Variants in KCNJ6 observed in about 807,000 individuals in gnomAD.
KCNJ6 encodes the protein G protein-activated inward rectifier potassium channel 2.
KCNJ6 carries 9 observed loss-of-function variants against 34.2 expected under a neutral mutation model. The observed-to-expected ratio is 0.26, with a 90% confidence interval of 0.16 to 0.46. The LOEUF (loss-of-function observed/expected upper bound fraction) is 0.46, where lower values mean the gene tolerates loss of function less well. Among genes scored for constraint, KCNJ6 ranks in the 20% least tolerant of loss-of-function variants. The probability of loss-of-function intolerance (pLI) is 1.00; values close to 1 mark genes in which losing one functional copy is unlikely to be tolerated. For synonymous variants in KCNJ6, 196 were observed against 207.1 expected (o/e 0.95, Z 0.46); for missense variants, 236 against 531.3 (o/e 0.44, Z 5.46).
intron 2 of KCNJ6, among the ~76,000 whole-genome samples, chr21:37,744,943 C>G (rs857987): frequency 1 from 152,310 of 152,310 alleles, 76,155 homozygotes; most frequent in Non-Finnish European, 1. Context: ...AATTATACTT[C>G]CAGATGGAAT....
intron 2 of KCNJ6, among the ~76,000 whole-genome samples, chr21:37,801,503 C>A (rs1057407649): frequency 6.6e-6 from 1 of 152,232 alleles, no homozygotes; most frequent in Non-Finnish European, 1.5e-5. Flanking sequence ...CCCTCCACTT[C>A]ACCCTCACGG....
chr21:37,904,379 C>T (rs951433357), intron 1 of KCNJ6, among the ~76,000 whole-genome samples: 1 of 152,178 alleles, frequency 6.6e-6, no homozygotes, highest in Non-Finnish European at 1.5e-5. Context: ...ATAGAGAAGA[C>T]TATCTCAGTG....
rs142412935 is a variant in KCNJ6 at position 37,687,552 on chromosome 21, C to T, written c.946+26659G>A. On this transcript the variant is annotated intron_variant, in intron 3 of 3. Transcript: ENST00000609713. ...TCTCATAAAGGATTCCAGACAGTGA[C>T]GTGTTTGGGCTTTTTTTCTTTGATT... is the stretch of plus-strand genomic sequence containing the variant. 5.1e-4 allele frequency among the ~76,000 whole-genome samples: 77 copies of T among 152,198 alleles called. 1 individual carries two copies. The East Asian group carries it at 0.013, about 26-fold the overall frequency.
At chr21:37,751,688 T>C (rs1021201033) in intron 2 of KCNJ6, among the ~76,000 whole-genome samples, 2 of 152,178 alleles carry the variant, frequency 1.3e-5, no homozygotes, top group African/African-American at 4.8e-5. Flanking sequence ...TCCGGGCACT[T>C]TGTACTTAGT....
chr21:37,829,558 G>C (rs1331397483), intron 2 of KCNJ6, among the ~76,000 whole-genome samples: 2 of 152,212 alleles, frequency 1.3e-5, no homozygotes, highest in Non-Finnish European at 2.9e-5. Context: ...GACAGAGGCA[G>C]AGGTGTGTGG....
At chr21:37,636,358 T>C (rs1182684812) in intron 3 of KCNJ6, among the ~76,000 whole-genome samples, 1 of 152,252 alleles carries the variant, frequency 6.6e-6, no homozygotes, top group Admixed American at 6.5e-5. Context: ...GGCTGCTTGA[T>C]TTCCACAGTG....
At chr21:37,862,652 G>A (rs2055600408) in intron 1 of KCNJ6, among the ~76,000 whole-genome samples, 1 of 151,360 alleles carries the variant, frequency 6.6e-6, no homozygotes, top group Non-Finnish European at 1.5e-5. Context: ...TGTGTAGATA[G>A]TCAGAGAAAT....
chr21:37,743,855 G>A (rs188352175), intron 2 of KCNJ6, among the ~76,000 whole-genome samples: 9 of 151,474 alleles, frequency 5.9e-5, no homozygotes, highest in Non-Finnish European at 1.2e-4. Context: ...ACCCCTCAGC[G>A]ATTACTTTTT....
At chr21:37,670,770 G>C (rs905704992) in intron 3 of KCNJ6, among the ~76,000 whole-genome samples, 3 of 152,098 alleles carry the variant, frequency 2.0e-5, no homozygotes, top group Non-Finnish European at 2.9e-5. Flanking sequence ...GTCTCAAAAA[G>C]ACAAAACAAA....
chr21:37,763,899 T>C (rs2055078208), intron 2 of KCNJ6, among the ~76,000 whole-genome samples: 1 of 152,190 alleles, frequency 6.6e-6, no homozygotes, highest in African/African-American at 2.4e-5. Context: ...TGTATGTTCA[T>C]ATGTAACAAA....
chr21:37,745,102 T>G (rs1034260835), intron 2 of KCNJ6, among the ~76,000 whole-genome samples: 360 of 32,630 alleles, frequency 0.011, 35 homozygotes, highest in African/African-American at 0.033. Context: ...TTTTTTTTTT[T>G]TTTTTTTTGA....
At chr21:37,637,508 TTGAG>T (rs1694532879) in intron 3 of KCNJ6, among the ~76,000 whole-genome samples, 3 of 152,220 alleles carry the variant, frequency 2.0e-5, no homozygotes, top group Admixed American at 2.0e-4. Context: ...ATGTTATTTA[TTGAG>T]TGTTTACTGT....
chr21:37,840,099 C>T (rs191975887), intron 2 of KCNJ6, among the ~76,000 whole-genome samples: 2 of 152,280 alleles, frequency 1.3e-5, no homozygotes, highest in Non-Finnish European at 2.9e-5. Flanking sequence ...GTGCCCAGCC[C>T]CCTTTCCTCT....
At chr21:37,774,686 G>T (rs2123506479) in intron 2 of KCNJ6, among the ~76,000 whole-genome samples, 1 of 152,110 alleles carries the variant, frequency 6.6e-6, no homozygotes, top group South Asian at 2.1e-4. Flanking sequence ...AACTCATCAT[G>T]TGTTATGGCT....
intron 1 of KCNJ6, among the ~76,000 whole-genome samples, chr21:37,886,623 G>A (rs536411993): frequency 2.0e-5 from 3 of 152,248 alleles, no homozygotes; most frequent in Middle Eastern, 3.4e-3. Context: ...TATAACCTAC[G>A]ATTAAGTCTC....
chr21:37,828,056 G>A (rs1165582592), intron 2 of KCNJ6, among the ~76,000 whole-genome samples: 1 of 152,194 alleles, frequency 6.6e-6, no homozygotes, highest in Admixed American at 6.5e-5. Flanking sequence ...CACCTGATAA[G>A]CACTACACCC....
chr21:37,706,303 C>T (rs1011414622), intron 3 of KCNJ6, among the ~76,000 whole-genome samples: 4 of 152,236 alleles, frequency 2.6e-5, no homozygotes, highest in African/African-American at 9.6e-5. Context: ...GCTCAGCTTA[C>T]TGGTTTTCAA....
chr21:37,914,095 T>C (rs1722455911), intron 1 of KCNJ6, among the ~76,000 whole-genome samples: 1 of 151,646 alleles, frequency 6.6e-6, no homozygotes, highest in South Asian at 2.1e-4. Flanking sequence ...GACAGAATCC[T>C]GTCTCCACTC....
chr21:37,889,774 T>C (rs1271436470), intron 1 of KCNJ6, among the ~76,000 whole-genome samples: 1 of 152,202 alleles, frequency 6.6e-6, no homozygotes, highest in Non-Finnish European at 1.5e-5. Flanking sequence ...CATCTTCACA[T>C]GGTCTTCCTC....
Sources: gnomAD v4.1 joint callset for allele counts (sites outside exome capture counted in the v4.1 genomes callset) on GRCh38, gnomAD v4.1.1 for gene constraint, MANE v1.5 for transcripts, NCBI Gene and HGNC (gene_info 2026-07-23, HGNC 2026-07-21) for gene names.